The following COL4A2 variants were observed in gnomAD, a reference collection of about 807,000 sequenced individuals.
COL4A2 encodes collagen type IV alpha 2 chain, also known as collagen alpha-2(IV) chain.
Under a neutral mutation model 200.2 loss-of-function variants are expected in COL4A2, and 99 were observed. That is an observed-to-expected ratio of 0.49 (90% CI 0.42 to 0.58). The LOEUF is 0.58. Among genes scored for constraint, COL4A2 ranks in the 20% least tolerant of loss-of-function variants. COL4A2 has a pLI of 0.00. For synonymous variants in COL4A2, 897 were observed against 900.6 expected, an observed-to-expected ratio of 1.00 and a Z score of 0.07; for missense variants, 1,950 against 2,314.1, an observed-to-expected ratio of 0.84 and a Z score of 3.23.
chr13:110,374,174 C>T (rs766842611), intron 4 of COL4A2, among the ~76,000 whole-genome samples: 1 of 152,090 alleles, frequency 6.6e-6, no homozygotes, highest in Non-Finnish European at 1.5e-5. Flanking sequence ...ACGGTGGTCC[C>T]GGGGCGATGG....
chr13:110,475,331 G>T (rs957930470), intron 29 of COL4A2, among the ~76,000 whole-genome samples: 1 of 152,224 alleles, frequency 6.6e-6, no homozygotes, highest in Non-Finnish European at 1.5e-5. Flanking sequence ...GCACTTAAAT[G>T]AGTTCACAGA....
chr13:110,445,922 C>G (rs745666068), intron 17 of COL4A2, 40 bp downstream of exon 17: 2 of 1,611,428 alleles, frequency 1.2e-6, no homozygotes, highest in Admixed American at 1.7e-5. Flanking sequence ...TATGGTGTCT[C>G]GCCCACCCTG....
At chr13:110,309,836 A>G (rs556771983) in intron 3 of COL4A2, among the ~76,000 whole-genome samples, 41 of 123,234 alleles carry the variant, frequency 3.3e-4, no homozygotes, top group Non-Finnish European at 5.4e-4. Flanking sequence ...CTAAAATACA[A>G]AAAAATCAGC....
At chr13:110,377,445 C>G (rs957114563) in intron 4 of COL4A2, among the ~76,000 whole-genome samples, 1 of 152,214 alleles carries the variant, frequency 6.6e-6, no homozygotes, top group Non-Finnish European at 1.5e-5. Context: ...AGGGCACACA[C>G]TCTCCCTGTA....
chr13:110,367,164 G>T (rs1314406730), intron 4 of COL4A2, among the ~76,000 whole-genome samples: 1 of 152,214 alleles, frequency 6.6e-6, no homozygotes, highest in Non-Finnish European at 1.5e-5. Context: ...CTGTGAGCGT[G>T]TGAAAAATCC....
chr13:110,439,083 A>C (rs999371215), intron 15 of COL4A2, among the ~76,000 whole-genome samples: 3 of 152,212 alleles, frequency 2.0e-5, no homozygotes, highest in African/African-American at 7.2e-5. Flanking sequence ...CCCTAGTCGT[A>C]AGGGTCGGGA....
At chr13:110,484,723 C>T (rs545927930) in intron 32 of COL4A2, among the ~76,000 whole-genome samples, 182 bp from the exon 33 acceptor site, 1 of 152,108 alleles carries the variant, frequency 6.6e-6, no homozygotes, top group Admixed American at 6.5e-5. Flanking sequence ...CCTGGAGCCA[C>T]CCCCAACTCC....
intron 3 of COL4A2, among the ~76,000 whole-genome samples, chr13:110,338,348 A>AAG (rs929474416): frequency 6.6e-6 from 1 of 151,054 alleles, no homozygotes; most frequent in Non-Finnish European, 1.5e-5. Context: ...GAGAGAGAGA[A>AAG]AGAGAGAGAG....
chr13:110,449,251 ACTTTGT>A (rs948151179), intron 18 of COL4A2, among the ~76,000 whole-genome samples: 52 of 152,342 alleles, frequency 3.4e-4, no homozygotes, highest in African/African-American at 1.2e-3. Flanking sequence ...TAGCCATGCC[ACTTTGT>A]CTTTGTTTGT....
intron 16 of COL4A2, 95 bp from the exon 17 acceptor site, chr13:110,445,734 G>T: frequency 6.8e-7 from 1 of 1,461,730 alleles, no homozygotes; most frequent in Non-Finnish European, 9.6e-7. Context: ...TTAATAAACT[G>T]TTGTTCATTT....
At chr13:110,511,058 A>T (rs910502267) in intron 47 of COL4A2, among the ~76,000 whole-genome samples, 4 of 152,036 alleles carry the variant, frequency 2.6e-5, no homozygotes, top group African/African-American at 9.7e-5. Context: ...TTTCCCTGCA[A>T]ACTGAACTGA....
At chr13:110,309,127 GT>G (rs1413558780) in intron 3 of COL4A2, among the ~76,000 whole-genome samples, 2 of 152,194 alleles carry the variant, frequency 1.3e-5, no homozygotes, top group African/African-American at 4.8e-5. Flanking sequence ...GAATTCTGTT[GT>G]TTTTACATCG....
rs1881803111 is a variant in COL4A2, at chr13:110,457,335, C to T, written c.1340-8C>T. 6.2e-7 allele frequency: 1 copy of T among 1,602,156 alleles called. No homozygotes were observed. Among genetic ancestry groups the T allele is most frequent in the Non-Finnish European group, 8.6e-7 (1 of 1,169,312 alleles). ...GCTCATGCCCTGCATCTGTGGTTGT[C>T]TCTCTAGGCTTCCTGTTTGGGCTGA... On this transcript the variant is annotated splice_region_variant and splice_polypyrimidine_tract_variant and intron_variant, in intron 20 of 47. Coordinates refer to ENST00000360467, the MANE Select transcript of COL4A2 (RefSeq NM_001846.4).
At chr13:110,398,467 C>G (rs117620172) in intron 4 of COL4A2, among the ~76,000 whole-genome samples, 2,830 of 152,168 alleles carry the variant, frequency 0.019, 46 homozygotes, top group Middle Eastern at 0.068. Context: ...AAGACCAGCC[C>G]GGTCAACATG....
At chr13:110,394,584 A>T (rs1879121582) in intron 4 of COL4A2, among the ~76,000 whole-genome samples, 1 of 152,194 alleles carries the variant, frequency 6.6e-6, no homozygotes, top group South Asian at 2.1e-4. Flanking sequence ...GCAATTACAC[A>T]AGGATGGTCT....
chr13:110,327,016 G>A (rs1312657237), intron 3 of COL4A2, among the ~76,000 whole-genome samples: 1 of 152,112 alleles, frequency 6.6e-6, no homozygotes, highest in Non-Finnish European at 1.5e-5. Context: ...TTCAATTAGC[G>A]ACTCAGAGTC....
At chr13:110,355,337 C>G (rs9301449) in intron 3 of COL4A2, among the ~76,000 whole-genome samples, 17,305 of 101,106 alleles carry the variant, frequency 0.17, 1,910 homozygotes, top group African/African-American at 0.36. Context: ...GAGGGCTGCA[C>G]TAGCTCACCT....
chr13:110,425,600 C>G (rs1438302728), intron 6 of COL4A2, among the ~76,000 whole-genome samples: 4 of 152,226 alleles, frequency 2.6e-5, no homozygotes, highest in Non-Finnish European at 5.9e-5. Flanking sequence ...CCTGGCCAGA[C>G]CTGACCTCAG....
chr13:110,326,879 G>T lies in COL4A2; in HGVS notation c.99+18756G>T, dbSNP rs185292642. On this transcript the variant is annotated intron_variant, in intron 3 of 47. Transcript: ENST00000360467. ...AGAGCAGTTCACACAGTCTCAGATG[G>T]CAGTCACCCGCCCGCTCAAGAGCGT... Among the ~76,000 whole-genome samples the T allele has an allele frequency of 3.8e-3, 582 of 152,344 alleles. 12 individuals are homozygous for T. The Middle Eastern group carries it at 0.041, about 11-fold the overall frequency.
Sources: gnomAD v4.1 joint callset for allele counts (sites outside exome capture counted in the v4.1 genomes callset) on GRCh38, gnomAD v4.1.1 for gene constraint, MANE v1.5 for transcripts, NCBI Gene and HGNC (gene_info 2026-07-23, HGNC 2026-07-21) for gene names.